PRMT9: variants seen among roughly 807,000 people sequenced by gnomAD.
The protein encoded by PRMT9 is protein arginine methyltransferase 9.
In PRMT9, 59 loss-of-function variants were observed where a neutral mutation model predicts 83.2. The observed-to-expected ratio is 0.71, with a 90% CI of 0.57 to 0.88. The LOEUF (loss-of-function observed/expected upper bound fraction) is 0.88, where lower values mean the gene tolerates loss of function less well. Among genes scored for constraint, PRMT9 ranks in the 40% least tolerant of loss-of-function variants. PRMT9 has a pLI of 0.00. For missense variants in PRMT9, 947 were observed against 1,021.9 expected (o/e 0.93, Z 1.00); for synonymous variants, 333 against 353.2 (o/e 0.94, Z 0.64).
chr4:147,676,810 G>A (rs1736111118), intron 2 of PRMT9, among the ~76,000 whole-genome samples: 1 of 152,120 alleles, frequency 6.6e-6, no homozygotes. Context: ...TTGGGAGACC[G>A]AGGCGGGTGG....
Position 147,654,075 on chromosome 4 carries a change from T to C in PRMT9, c.1822A>G (p.Ser608Gly), listed in dbSNP as rs1334463630. Residue 608 changes from serine (S) to glycine (G), a missense_variant, in exon 9 of 12, where the codon AGT becomes GGT. By Grantham distance (56) the Ser-to-Gly change is moderately conservative. Coordinates refer to ENST00000322396, the MANE Select transcript of PRMT9 (RefSeq NM_138364.4). ...AGTLGQVKPY[S>G]SVEKDQHRIA... ...CGATGCTGGTCTTTCTCCACAGAAC[T>C]GTATGGTTTAACCTGCCCAAGTGTG... The C allele has an allele frequency of 1.9e-6, 3 of 1,614,096 alleles. No individual in the cohort carries two copies. Among genetic ancestry groups the C allele is most frequent in the Admixed American group, 3.3e-5 (2 of 60,002 alleles).
At chr4:147,643,890 G>A (rs187343096) in intron 9 of PRMT9, among the ~76,000 whole-genome samples, 43 of 152,272 alleles carry the variant, frequency 2.8e-4, no homozygotes, top group Admixed American at 8.5e-4. Flanking sequence ...TACTCAACAG[G>A]CTGAGATGGG....
chr4:147,669,340 G>A (rs113500779), intron 5 of PRMT9, among the ~76,000 whole-genome samples: 2 of 152,160 alleles, frequency 1.3e-5, no homozygotes, highest in African/African-American at 4.8e-5. Flanking sequence ...ACGTGCCACT[G>A]TGCTCCTACC....
intron 8 of PRMT9, among the ~76,000 whole-genome samples, chr4:147,655,530 T>G (rs984765342): frequency 6.6e-6 from 1 of 152,084 alleles, no homozygotes; most frequent in African/African-American, 2.4e-5. Flanking sequence ...CTGGAACCAG[T>G]TGAAAATACA....
Position 147,639,234 on chromosome 4 carries a change from T to G in PRMT9, c.2200-152A>C, listed in dbSNP as rs911819291. 2.8e-5 allele frequency: 18 copies of G among 653,066 alleles called. No homozygotes were observed. In the East Asian group the frequency reaches 4.9e-4, roughly 18 times the overall value. The allele number at this position is 653,066 out of a possible 1,614,324, so 40.5% of individuals were successfully genotyped here. ...AATGCTTTTTACATTACCTCCTTTA[T>G]ATTCCCACATCAAGCTAAGGCTGGC... On this transcript the variant is annotated intron_variant, in intron 10 of 11. Transcript: ENST00000322396.
intron 9 of PRMT9, among the ~76,000 whole-genome samples, chr4:147,644,781 T>C (rs1294215329): frequency 6.6e-6 from 1 of 152,166 alleles, no homozygotes; most frequent in Non-Finnish European, 1.5e-5. Context: ...GTAATCTTGT[T>C]TCCTCACACC....
chr4:147,648,948 T>G (rs1733916846), intron 9 of PRMT9, among the ~76,000 whole-genome samples: 1 of 152,160 alleles, frequency 6.6e-6, no homozygotes, highest in African/African-American at 2.4e-5. Context: ...TTACTAACAT[T>G]AAGTGTTTTG....
At chr4:147,645,980 C>T (rs992062769) in intron 9 of PRMT9, among the ~76,000 whole-genome samples, 3 of 152,202 alleles carry the variant, frequency 2.0e-5, no homozygotes, top group African/African-American at 7.2e-5. Context: ...GACCCCAGTG[C>T]TTTACTCATT....
chr4:147,640,090 T>TTTTA (rs758063617), intron 10 of PRMT9, among the ~76,000 whole-genome samples: 2 of 57,780 alleles, frequency 3.5e-5, no homozygotes, highest in African/African-American at 1.3e-4. Context: ...TTTTTTTTTT[T>TTTTA]AATATAGGGT....
intron 6 of PRMT9, among the ~76,000 whole-genome samples, chr4:147,665,561 C>T (rs1319923125): frequency 2.0e-5 from 3 of 152,194 alleles, no homozygotes; most frequent in Non-Finnish European, 4.4e-5. Context: ...CACTTCCTCA[C>T]TTTCTAATAC....
rs768479870 is a variant in PRMT9, at chr4:147,661,041, GGA to G, written c.954-5_954-4del. On this transcript the variant is annotated splice_polypyrimidine_tract_variant and splice_region_variant and intron_variant, in intron 6 of 11. Coordinates refer to ENST00000322396, the MANE Select transcript of PRMT9 (RefSeq NM_138364.4). ...CAGCAATGTCCTTAATACCCACTCT[GGA>G]GAGAGAGAAAATAGGGGAGGGGTAG... 3.7e-6 allele frequency: 6 copies of G among 1,600,798 alleles called. No homozygotes were observed. The highest frequency in any genetic ancestry group is 4.3e-6 in the Non-Finnish European group (5 of 1,168,148).
At chr4:147,659,397 G>C (rs1349459186) in intron 7 of PRMT9, among the ~76,000 whole-genome samples, 1 of 148,936 alleles carries the variant, frequency 6.7e-6, no homozygotes, top group Non-Finnish European at 1.5e-5. Flanking sequence ...GGGAAACTCT[G>C]TCTCAAAAAA....
At chr4:147,676,202 G>C (rs1736058381) in intron 2 of PRMT9, among the ~76,000 whole-genome samples, 1 of 152,102 alleles carries the variant, frequency 6.6e-6, no homozygotes, top group Non-Finnish European at 1.5e-5. Flanking sequence ...TACAACAACA[G>C]GTCACCAAAA....
intron 9 of PRMT9, among the ~76,000 whole-genome samples, chr4:147,648,713 G>T (rs1189918825): frequency 6.6e-6 from 1 of 152,146 alleles, no homozygotes; most frequent in Non-Finnish European, 1.5e-5. Context: ...TCAACCTGTG[G>T]GACCTGACAC....
chr4:147,665,662 T>C (rs977351480), intron 6 of PRMT9, among the ~76,000 whole-genome samples: 1 of 152,162 alleles, frequency 6.6e-6, no homozygotes, highest in African/African-American at 2.4e-5. Context: ...TGGTGAGAAA[T>C]GGTATTTAAA....
chr4:147,659,910 C>T (rs957191401), intron 7 of PRMT9, among the ~76,000 whole-genome samples: 2 of 152,034 alleles, frequency 1.3e-5, no homozygotes, highest in African/African-American at 2.4e-5. Flanking sequence ...AACATCCTCA[C>T]GCCATTCACT....
chr4:147,664,234 G>C (rs1361754358), intron 6 of PRMT9, among the ~76,000 whole-genome samples: 1 of 152,308 alleles, frequency 6.6e-6, no homozygotes, highest in East Asian at 1.9e-4. Flanking sequence ...CTTGAGCTTG[G>C]GAGGTCAAGA....
At chr4:147,651,439 T>G (rs1445787309) in intron 9 of PRMT9, among the ~76,000 whole-genome samples, 2 of 151,800 alleles carry the variant, frequency 1.3e-5, no homozygotes, top group Non-Finnish European at 2.9e-5. Flanking sequence ...ATCAAAAGAG[T>G]GAAAAGGCAA....
At chr4:147,678,122 G>C (rs1736215486) in intron 2 of PRMT9, among the ~76,000 whole-genome samples, 2 of 152,172 alleles carry the variant, frequency 1.3e-5, no homozygotes, top group Non-Finnish European at 1.5e-5. Context: ...ATGGGCACCA[G>C]AGACAAAGGT....
Sources: gnomAD v4.1 joint callset for allele counts (sites outside exome capture counted in the v4.1 genomes callset) on GRCh38, gnomAD v4.1.1 for gene constraint, MANE v1.5 for transcripts, NCBI Gene and HGNC (gene_info 2026-07-23, HGNC 2026-07-21) for gene names.